Variants in FGF14 observed in about 807,000 individuals in gnomAD.
FGF14 encodes the protein fibroblast growth factor 14, also known as fibroblast growth factor homologous factor 4.
Under a neutral mutation model 25.5 loss-of-function variants are expected in FGF14, and 5 were observed. The ratio of observed to expected loss-of-function variants is 0.20; its 90% CI spans 0.10 to 0.41. The LOEUF is 0.41. Among genes scored for constraint, FGF14 ranks in the 10% least tolerant of loss-of-function variants. FGF14 has a pLI of 1.00. For synonymous variants in FGF14, 138 were observed against 118.3 expected (o/e 1.17, Z -1.08); for missense variants, 222 against 320.1 (o/e 0.69, Z 2.34).
chr13:102,291,883 C>T (rs1366877673), intron 1 of FGF14, among the ~76,000 whole-genome samples: 3 of 152,120 alleles, frequency 2.0e-5, no homozygotes, highest in African/African-American at 4.8e-5. Context: ...GGCCGACCCT[C>T]CTGCTTGTCC....
At chr13:101,771,480 G>T (rs755368455) in intron 3 of FGF14, among the ~76,000 whole-genome samples, 4 of 152,026 alleles carry the variant, frequency 2.6e-5, no homozygotes, top group Admixed American at 6.6e-5. Flanking sequence ...CAATTTTGTT[G>T]AGTAGTAAGT....
At chr13:102,352,284 CACACA>C (rs1566955817) in intron 1 of FGF14, among the ~76,000 whole-genome samples, 12 of 141,286 alleles carry the variant, frequency 8.5e-5, no homozygotes, top group African/African-American at 3.0e-4. Flanking sequence ...CACACACACA[CACACA>C]CCTGCAACAT....
chr13:102,137,896 G>A (rs899063255), intron 1 of FGF14, among the ~76,000 whole-genome samples: 12 of 150,844 alleles, frequency 8.0e-5, no homozygotes, highest in African/African-American at 2.9e-4. Flanking sequence ...GACACAGGAG[G>A]TGGGCCTCAG....
intron 1 of FGF14, among the ~76,000 whole-genome samples, chr13:102,312,222 C>CAAAAAA (rs34575465): frequency 1.0e-5 from 1 of 96,940 alleles, no homozygotes; most frequent in African/African-American, 3.5e-5. Context: ...AGACCTAAAC[C>CAAAAAA]AAAAAAAAAA....
chr13:102,149,635 G>A (rs1473566366), intron 1 of FGF14, among the ~76,000 whole-genome samples: 3 of 152,242 alleles, frequency 2.0e-5, no homozygotes, highest in African/African-American at 7.2e-5. Flanking sequence ...TTGTTTGAAA[G>A]GAGACTTTCC....
intron 1 of FGF14, among the ~76,000 whole-genome samples, chr13:102,338,162 A>T (rs1207394682): frequency 6.6e-6 from 1 of 152,180 alleles, no homozygotes; most frequent in East Asian, 1.9e-4. Flanking sequence ...CTCCATAAGG[A>T]ACATTTAATT....
At chr13:102,227,530 T>C (rs1340279499) in intron 1 of FGF14, among the ~76,000 whole-genome samples, 2 of 152,122 alleles carry the variant, frequency 1.3e-5, no homozygotes, top group African/African-American at 4.8e-5. Context: ...CACAAAGACC[T>C]GTAGTAGGTA....
chr13:102,027,754 G>C (rs2041004931), intron 1 of FGF14, among the ~76,000 whole-genome samples: 1 of 151,992 alleles, frequency 6.6e-6, no homozygotes, highest in Admixed American at 6.6e-5. Context: ...ATCTGGACGT[G>C]GGTGCATGTG....
At position 101,720,588 on chromosome 13, in the gene FGF14, T is replaced by C. The variant is rs2034909120; in HGVS notation, c.*2243A>G. 6.6e-6 allele frequency: 1 copy of C among 150,552 alleles called. No individual in the cohort carries two copies. The highest frequency in any genetic ancestry group is 1.5e-5 in the Non-Finnish European group (1 of 67,782). The allele number at this position is 150,552 out of a possible 1,614,324, so 9.3% of individuals were successfully genotyped here. A position where few individuals can be genotyped will look rare whatever the true frequency, so the allele number is the denominator to read the frequency against. ...TGTATATGTGTGTGTTTGTGTGAAGTGAAGTGTTGCTGCTGTAAGTAGTGT... is the reference window on the plus strand; with the variant it reads ...TGTATATGTGTGTGTTTGTGTGAAGCGAAGTGTTGCTGCTGTAAGTAGTGT... On this transcript the variant is annotated 3_prime_UTR_variant, in exon 5 of 5. Coordinates refer to ENST00000376143, the MANE Select transcript of FGF14 (RefSeq NM_004115.4).
intron 1 of FGF14, among the ~76,000 whole-genome samples, chr13:101,982,771 C>T (rs1376166915): frequency 1.3e-5 from 2 of 152,080 alleles, no homozygotes; most frequent in Non-Finnish European, 2.9e-5. Flanking sequence ...AAAATAAAAC[C>T]TTATTTATTG....
intron 1 of FGF14, among the ~76,000 whole-genome samples, chr13:102,391,392 A>G (rs2058430065): frequency 6.6e-6 from 1 of 152,222 alleles, no homozygotes; most frequent in Non-Finnish European, 1.5e-5. Flanking sequence ...CCACACATGT[A>G]CCAGAATGGC....
chr13:101,965,172 C>G (rs2139487769), intron 1 of FGF14, among the ~76,000 whole-genome samples: 1 of 151,994 alleles, frequency 6.6e-6, no homozygotes, highest in East Asian at 1.9e-4. Flanking sequence ...TTGCTTGAAT[C>G]CAGCAGGCAG....
At position 102,244,973 on chromosome 13, in the gene FGF14, T is replaced by C. The variant is rs1055580159; in HGVS notation, c.208+156498A>G. Among the ~76,000 whole-genome samples the C allele has an allele frequency of 2.0e-5, 3 of 152,128 alleles. No homozygotes were observed. In the East Asian group the frequency reaches 5.8e-4, roughly 29 times the overall value. ...ATCAATTTATTCTTATAACATGAAA[T>C]ATGGAAACTACTAACTACCTCTAAT... On this transcript the variant is annotated intron_variant, in intron 1 of 4. Transcript: ENST00000376131.
chr13:102,017,454 C>G (rs770836140), intron 1 of FGF14, among the ~76,000 whole-genome samples: 2 of 152,124 alleles, frequency 1.3e-5, no homozygotes, highest in Non-Finnish European at 2.9e-5. Context: ...CTGCTAGCAT[C>G]CAGTGTGTCC....
intron 1 of FGF14, among the ~76,000 whole-genome samples, chr13:102,113,998 G>A (rs901642542): frequency 1.3e-5 from 2 of 152,192 alleles, no homozygotes; most frequent in African/African-American, 4.8e-5. Flanking sequence ...ACCTAGTCCA[G>A]TCCTAACAAG....
intron 3 of FGF14, among the ~76,000 whole-genome samples, chr13:101,796,585 G>A (rs922674690): frequency 7.2e-5 from 11 of 151,904 alleles, no homozygotes; most frequent in Non-Finnish European, 1.5e-4. Flanking sequence ...AGACAAATAC[G>A]ATCATGAAGA....
chr13:102,060,452 G>A (rs1039247863), intron 1 of FGF14, among the ~76,000 whole-genome samples: 1 of 152,282 alleles, frequency 6.6e-6, no homozygotes, highest in South Asian at 2.1e-4. Flanking sequence ...CATGAACCCG[G>A]GGGGCAGAGC....
intron 1 of FGF14, among the ~76,000 whole-genome samples, chr13:102,369,400 G>A (rs1189913238): frequency 6.6e-6 from 1 of 152,216 alleles, no homozygotes; most frequent in Non-Finnish European, 1.5e-5. Context: ...GAGATGTGCT[G>A]TGGGAATACA....
At chr13:102,339,907 C>T (rs958531342) in intron 1 of FGF14, among the ~76,000 whole-genome samples, 2 of 152,154 alleles carry the variant, frequency 1.3e-5, no homozygotes, top group Admixed American at 1.3e-4. Flanking sequence ...GTGAGTTAAG[C>T]ACTCACCACA....
Sources: allele counts gnomAD v4.1 joint callset (sites outside exome capture counted in the v4.1 genomes callset), GRCh38; gene constraint gnomAD v4.1.1; transcripts MANE v1.5; gene names NCBI Gene and HGNC (gene_info 2026-07-23, HGNC 2026-07-21).